PTPRN2: variants seen among roughly 807,000 people sequenced by gnomAD.
PTPRN2 encodes the protein receptor-type tyrosine-protein phosphatase N2.
PTPRN2 carries 74 observed loss-of-function variants against 118.8 expected under a neutral mutation model. The ratio of observed to expected loss-of-function variants is 0.62; its 90% confidence interval spans 0.52 to 0.76. The LOEUF is 0.76. Ranked by LOEUF, PTPRN2 falls within the 30% of genes least tolerant of loss-of-function variation. PTPRN2 has a pLI of 0.00. For missense variants in PTPRN2, 1,481 were observed against 1,394.4 expected (o/e 1.06, Z -0.99); for synonymous variants, 641 against 608.0 (o/e 1.05, Z -0.80).
chr7:158,320,822 G>A (rs1364112768), intron 2 of PTPRN2, among the ~76,000 whole-genome samples: 1 of 152,158 alleles, frequency 6.6e-6, no homozygotes, highest in Non-Finnish European at 1.5e-5. Flanking sequence ...AGCTCCCACA[G>A]ATCATGCCCA....
Position 158,392,705 on chromosome 7 carries a change from T to G in PTPRN2, c.164-75773A>C, listed in dbSNP as rs573407641. On this transcript the variant is annotated intron_variant, in intron 2 of 22. Coordinates refer to ENST00000389418, the MANE Select transcript of PTPRN2 (RefSeq NM_002847.5). ...ACACAAAGCCGGGCCCTGGGTCCAG[T>G]CAGCAGCCAAGGGGCAGGGTCCTTG... Among the ~76,000 whole-genome samples, 5 of 152,176 alleles carry G rather than the reference T, an allele frequency of 3.3e-5. No homozygotes were observed. In the East Asian group the frequency reaches 9.7e-4, roughly 29 times the overall value.
chr7:158,550,690 G>C (rs1378838013), intron 1 of PTPRN2, among the ~76,000 whole-genome samples: 1 of 152,218 alleles, frequency 6.6e-6, no homozygotes, highest in Non-Finnish European at 1.5e-5. Flanking sequence ...CCCTTTACTT[G>C]AGGTGGCTTT....
chr7:158,327,069 A>G (rs1228201823), intron 2 of PTPRN2, among the ~76,000 whole-genome samples: 3 of 151,384 alleles, frequency 2.0e-5, no homozygotes, highest in Admixed American at 2.0e-4. Context: ...CTGCACATAC[A>G]TGCACACATT....
chr7:157,625,740 A>G (rs963300833), intron 14 of PTPRN2, among the ~76,000 whole-genome samples: 3 of 152,262 alleles, frequency 2.0e-5, no homozygotes, highest in African/African-American at 7.2e-5. Flanking sequence ...ATCATAAAAA[A>G]GTTAGCTCAG....
At chr7:158,428,709 C>T (rs761770070) in intron 2 of PTPRN2, among the ~76,000 whole-genome samples, 4 of 152,158 alleles carry the variant, frequency 2.6e-5, no homozygotes, top group Non-Finnish European at 4.4e-5. Flanking sequence ...GGGGGCCGGG[C>T]GGTGAACCAA....
intron 11 of PTPRN2, among the ~76,000 whole-genome samples, chr7:158,013,753 AT>A (rs1806225809): frequency 1.3e-3 from 4 of 3,074 alleles, no homozygotes; most frequent in Admixed American, 4.9e-3. Flanking sequence ...CCGCCCATCC[AT>A]CCATCCACTC....
At chr7:157,814,378 C>G (rs10434931) in intron 12 of PTPRN2, among the ~76,000 whole-genome samples, 147,571 of 152,072 alleles carry the variant, frequency 0.97, 71,630 homozygotes, top group East Asian at 1. Context: ...GTTTGACGGG[C>G]AGGGAGAAGG....
At chr7:158,302,615 A>T (rs1800977487) in intron 3 of PTPRN2, among the ~76,000 whole-genome samples, 1 of 152,254 alleles carries the variant, frequency 6.6e-6, no homozygotes, top group Non-Finnish European at 1.5e-5. Flanking sequence ...TCGTTTCACG[A>T]TAAACAACCA....
chr7:158,312,511 C>A (rs1801912980), intron 3 of PTPRN2, among the ~76,000 whole-genome samples: 1 of 140,442 alleles, frequency 7.1e-6, no homozygotes, highest in Non-Finnish European at 1.6e-5. Flanking sequence ...TAGACACCCA[C>A]ACACACGCAC....
rs144324698 is a variant in PTPRN2 at position 158,161,609 on chromosome 7, A to G, written c.910+5322T>C. 3.2e-4 allele frequency among the ~76,000 whole-genome samples: 49 copies of G among 152,376 alleles called. 1 individual carries two copies. The East Asian group carries it at 9.0e-3, about 28-fold the overall frequency. ...AATGGGTCACAGACCTCATTATAAA[A>G]TGAAAAACCATAAAACTCCTTAAAG... On this transcript the variant is annotated intron_variant, in intron 6 of 22. Coordinates refer to ENST00000389418, the MANE Select transcript of PTPRN2 (RefSeq NM_002847.5).
At chr7:157,581,945 C>T (rs551315213) in intron 17 of PTPRN2, among the ~76,000 whole-genome samples, 37 of 152,282 alleles carry the variant, frequency 2.4e-4, no homozygotes, top group African/African-American at 8.4e-4. Flanking sequence ...TGGCCACCCA[C>T]GCCACACCCC....
chr7:157,564,123 A>C (rs1183661331), intron 21 of PTPRN2, among the ~76,000 whole-genome samples: 2 of 50,728 alleles, frequency 3.9e-5, no homozygotes, highest in Non-Finnish European at 9.4e-5. Context: ...TGATACTAAA[A>C]GCACAAGAAA....
At chr7:158,147,663 T>A (rs1387301318) in intron 6 of PTPRN2, among the ~76,000 whole-genome samples, 52 of 117,628 alleles carry the variant, frequency 4.4e-4, no homozygotes, top group African/African-American at 1.7e-3. Flanking sequence ...ATGCCACGTG[T>A]CTTTCCCCCT....
intron 2 of PTPRN2, among the ~76,000 whole-genome samples, chr7:158,415,206 G>A (rs1814555586): frequency 6.6e-6 from 1 of 152,176 alleles, no homozygotes; most frequent in Non-Finnish European, 1.5e-5. Context: ...TCTTTACTCT[G>A]CAGTCCCCAC....
chr7:158,249,953 A>G (rs1393335097), intron 3 of PTPRN2, among the ~76,000 whole-genome samples: 1 of 152,132 alleles, frequency 6.6e-6, no homozygotes. Flanking sequence ...GTGAGAGAAC[A>G]CGTGTTGGAT....
Position 157,632,472 on chromosome 7 carries a change from G to C in PTPRN2, c.2197-10963C>G, listed in dbSNP as rs1244348662. The stretch of plus-strand genomic sequence containing the variant: ...ATGTTCTAATTAATAAACTTAAAAA[G>C]ATAAGTAATTTTTTCCTTACCACCT... On this transcript the variant is annotated intron_variant, in intron 14 of 22. Transcript: ENST00000389418. The surrounding 1 kb of genome is among the most constrained non-coding windows in gnomAD (Gnocchi z 4.3). 6.6e-6 allele frequency among the ~76,000 whole-genome samples: 1 copy of C among 152,200 alleles called. No homozygotes were observed. The highest frequency in any genetic ancestry group is 6.5e-5 in the Admixed American group (1 of 15,276).
intron 5 of PTPRN2, among the ~76,000 whole-genome samples, chr7:158,171,308 CAT>C (rs71198580): frequency 0.1 from 5,001 of 48,562 alleles, 742 homozygotes; most frequent in East Asian, 0.13. Context: ...TATATACACA[CAT>C]ATATATATAT....
At chr7:158,114,211 GTGGGCCAAGGACTCACCAGGA>G (rs1276330999) in intron 9 of PTPRN2, among the ~76,000 whole-genome samples, 3 of 152,214 alleles carry the variant, frequency 2.0e-5, no homozygotes, top group Non-Finnish European at 2.9e-5. Flanking sequence ...TGGGACCTGA[GTGGGCCAAGGACTCACCAGGA>G]TGGGCCAAGG....
At chr7:158,051,102 C>T (rs1406067210) in intron 11 of PTPRN2, among the ~76,000 whole-genome samples, 1 of 152,214 alleles carries the variant, frequency 6.6e-6, no homozygotes, top group Non-Finnish European at 1.5e-5. Flanking sequence ...GCTAGCAGTG[C>T]CCATGGGGGG....
Sources: allele counts gnomAD v4.1 joint callset (sites outside exome capture counted in the v4.1 genomes callset), GRCh38; gene constraint gnomAD v4.1.1; non-coding constraint Gnocchi (gnomAD v3.1); transcripts MANE v1.5; gene names NCBI Gene and HGNC (gene_info 2026-07-23, HGNC 2026-07-21).